Variants in C9 observed in about 807,000 individuals in gnomAD.
C9 encodes the protein complement C9.
C9 carries 63 observed loss-of-function variants against 65.4 expected under a neutral mutation model. The ratio of observed to expected loss-of-function variants is 0.96; its 90% CI spans 0.79 to 1.19. The LOEUF is 1.19. C9 is among the 50% of genes most tolerant of loss of function. The probability of loss-of-function intolerance (pLI) is 0.00; values close to 1 mark genes in which losing one functional copy is unlikely to be tolerated. For synonymous variants in C9, 229 were observed against 227.9 expected (o/e 1.00, Z -0.04); for missense variants, 744 against 670.1 (o/e 1.11, Z -1.22).
At chr5:39,341,872 A>C (rs1406746406) in intron 2 of C9, among the ~76,000 whole-genome samples, 172 bp from the exon 3 acceptor site, 2 of 152,252 alleles carry the variant, frequency 1.3e-5, no homozygotes, top group African/African-American at 4.8e-5. Flanking sequence ...TAGGTTTGGC[A>C]GCCTCTTATA....
In C9 at chr5:39,341,597, T is replaced by A. The variant is rs370396956; in HGVS notation, c.287A>T (p.Asp96Val). The part of the protein sequence containing the change: ...RQCVPTEPCE[D>V]AEDDCGNDFQ... ...GTCATTTCCGCAGTCATCCTCAGCA[T>A]CCTCACAGGGCTCTGTGGGCACACA... is the stretch of plus-strand genomic sequence containing the variant. The change falls in exon 3 of 11, where the codon GAT becomes GTT. Residue 96 changes from aspartate (D) to valine (V), a missense_variant. Coordinates refer to ENST00000263408, the MANE Select transcript of C9 (RefSeq NM_001737.5). The A allele has an allele frequency of 3.7e-6, 6 of 1,613,998 alleles. No homozygotes were observed. The African/African-American group carries it at 8.0e-5, about 22-fold the overall frequency.
chr5:39,349,813 C>A (rs1196857377), intron 1 of C9, among the ~76,000 whole-genome samples: 2 of 152,078 alleles, frequency 1.3e-5, no homozygotes, highest in African/African-American at 4.8e-5. Flanking sequence ...TTTCTTTTTT[C>A]TTCTCTGCCT....
At chr5:39,299,233 G>A (rs879424915) in intron 9 of C9, among the ~76,000 whole-genome samples, 3 of 151,914 alleles carry the variant, frequency 2.0e-5, no homozygotes, top group Non-Finnish European at 4.4e-5. Context: ...TATATTTCTG[G>A]TGGTAATGCA....
At chr5:39,296,364 G>A (rs1237776902) in intron 9 of C9, among the ~76,000 whole-genome samples, 2 of 151,236 alleles carry the variant, frequency 1.3e-5, no homozygotes, top group African/African-American at 2.4e-5. Context: ...CAAATGATCT[G>A]AAGAGCCATT....
chr5:39,333,074 C>CTTAA (rs1753874324), intron 4 of C9, among the ~76,000 whole-genome samples: 1 of 152,018 alleles, frequency 6.6e-6, no homozygotes, highest in Non-Finnish European at 1.5e-5. Flanking sequence ...ATGCTATGGC[C>CTTAA]TTAAAGTTCT....
At chr5:39,307,520 T>C (rs1753403556) in intron 8 of C9, among the ~76,000 whole-genome samples, 1 of 152,188 alleles carries the variant, frequency 6.6e-6, no homozygotes, top group Non-Finnish European at 1.5e-5. Flanking sequence ...CATTGGTTTT[T>C]CAATCATGGA....
chr5:39,319,998 G>A (rs928365419), intron 5 of C9, among the ~76,000 whole-genome samples: 3 of 152,158 alleles, frequency 2.0e-5, no homozygotes, highest in African/African-American at 4.8e-5. Flanking sequence ...AGAATCTCTG[G>A]ACACACTGAT....
At chr5:39,343,096 G>A (rs191891017) in intron 1 of C9, among the ~76,000 whole-genome samples, 57 of 152,258 alleles carry the variant, frequency 3.7e-4, no homozygotes, top group African/African-American at 1.1e-3. Flanking sequence ...AGCTCCCAGC[G>A]TGAGTGACGG....
At chr5:39,295,629 T>A (rs1193704196) in intron 9 of C9, among the ~76,000 whole-genome samples, 1 of 151,564 alleles carries the variant, frequency 6.6e-6, no homozygotes, top group African/African-American at 2.4e-5. Flanking sequence ...GCAATCTCTA[T>A]CAAAATGACA....
rs1015551725 is a variant in C9, at chr5:39,311,233, A to G, written c.1015T>C (p.Leu339=). The change falls in exon 7 of 11, where the codon TTG becomes CTG. Residue 339 remains leucine (L), a synonymous_variant. Coordinates refer to ENST00000263408, the MANE Select transcript of C9 (RefSeq NM_001737.5). ...TYEKGEYFAF[L]ETYGTHYSSS... ...CTGTAGTGAGTTCCATAGGTTTCCA[A>G]AAAGGCAAAATATTCTCCCTTTTCA... 2 of 1,613,846 alleles carry G rather than the reference A, an allele frequency of 1.2e-6. No individual in the cohort carries two copies. The highest frequency in any genetic ancestry group is 8.5e-7 in the Non-Finnish European group (1 of 1,179,782).
chr5:39,316,061 C>G, intron 5 of C9, 32 bp from the exon 6 acceptor site: 1 of 1,582,598 alleles, frequency 6.3e-7, no homozygotes, highest in Non-Finnish European at 8.6e-7. Context: ...TTGTTAAAAA[C>G]AAGATACGAA....
chr5:39,297,082 A>G (rs904000839), intron 9 of C9, among the ~76,000 whole-genome samples: 24 of 151,638 alleles, frequency 1.6e-4, no homozygotes, highest in African/African-American at 5.1e-4. Flanking sequence ...CTAGTGCTCT[A>G]TAACATTGTA....
chr5:39,333,470 C>T (rs926839033), intron 4 of C9, among the ~76,000 whole-genome samples: 7 of 152,120 alleles, frequency 4.6e-5, no homozygotes, highest in African/African-American at 1.7e-4. Flanking sequence ...CCAGTGATCC[C>T]AGTGAAAAGC....
intron 9 of C9, among the ~76,000 whole-genome samples, chr5:39,291,144 G>A (rs1026453019): frequency 2.0e-5 from 3 of 151,904 alleles, no homozygotes; most frequent in Non-Finnish European, 4.4e-5. Context: ...GCCAATGTTT[G>A]TGCTATCAGA....
At chr5:39,318,695 TCAGA>T (rs1384608368) in intron 5 of C9, among the ~76,000 whole-genome samples, 3 of 152,160 alleles carry the variant, frequency 2.0e-5, no homozygotes, top group African/African-American at 7.2e-5. Context: ...ACCTGTATCT[TCAGA>T]CAGTGTCATG....
intron 9 of C9, 33 bp from the exon 10 acceptor site, chr5:39,288,984 C>A: frequency 8.5e-7 from 1 of 1,171,344 alleles, no homozygotes. Context: ...ATTTTAGGTC[C>A]TTTTTAACTG....
Position 39,288,884 on chromosome 5 carries a change from T to G in C9, c.1484A>C (p.Glu495Ala), listed in dbSNP as rs762872495. The change falls in exon 10 of 11, where the codon GAA (glutamate) becomes GCA (alanine). Residue 495 changes from glutamate to alanine, a missense_variant. Physicochemically the swap from Glu to Ala is moderately radical, Grantham distance 107. Transcript: ENST00000263408. ...ATTGATATAGTCTTCAATGGCTCTT[T>G]CCAAGTTTTGTTTCTTTAGGTGTGC... ...KNAHLKKQNL[E>A]RAIEDYINEF... The G allele has an allele frequency of 6.2e-7, 1 of 1,611,820 alleles. No individual in the cohort carries two copies.
intron 5 of C9, among the ~76,000 whole-genome samples, chr5:39,317,819 T>C (rs1259712919): frequency 6.6e-6 from 1 of 152,150 alleles, no homozygotes; most frequent in African/African-American, 2.4e-5. Flanking sequence ...TTATCTTGGC[T>C]ATATAGGCTC....
intron 8 of C9, 80 bp from the exon 9 acceptor site, chr5:39,306,872 A>T: frequency 1.1e-6 from 1 of 920,162 alleles, no homozygotes; most frequent in South Asian, 1.4e-5. Context: ...TATGATAAAC[A>T]TTTATTGAGT....
Sources: gnomAD v4.1 joint callset for allele counts (sites outside exome capture counted in the v4.1 genomes callset) on GRCh38, gnomAD v4.1.1 for gene constraint, MANE v1.5 for transcripts, NCBI Gene and HGNC (gene_info 2026-07-23, HGNC 2026-07-21) for gene names.